Variants in RGL1 observed in about 807,000 individuals in gnomAD.
The protein encoded by RGL1 is ral guanine nucleotide dissociation stimulator-like 1.
RGL1 carries 24 observed loss-of-function variants against 95.2 expected under a neutral mutation model. The ratio of observed to expected loss-of-function variants is 0.25; its 90% CI spans 0.18 to 0.35. RGL1 has a LOEUF of 0.35. Among genes scored for constraint, RGL1 ranks in the 10% least tolerant of loss-of-function variants. The pLI is 1.00. For missense variants in RGL1, 715 were observed against 936.3 expected (o/e 0.76, Z 3.08); for synonymous variants, 329 against 344.9 (o/e 0.95, Z 0.51).
At position 183,648,176 on chromosome 1, in the gene RGL1, T is replaced by A. The variant is rs10911392; in HGVS notation, c.-33+11675T>A. 0.041 allele frequency: 65,419 copies of A among 1,614,100 alleles called. 2,744 individuals carry two copies. The highest frequency in any genetic ancestry group is 0.21 in the African/African-American group (16,078 of 74,968). The stretch of plus-strand genomic sequence containing the variant: ...AAACATGTGATCCTGAGACACCACT[T>A]ATAAAGCTGTGGAGAACAGAATGCC... On this transcript the variant is annotated intron_variant, in intron 1 of 18. Coordinates refer to the RGL1 transcript ENST00000304685.
At chr1:183,739,862 C>T (rs1472754103) in intron 1 of RGL1, among the ~76,000 whole-genome samples, 1 of 152,186 alleles carries the variant, frequency 6.6e-6, no homozygotes, top group Non-Finnish European at 1.5e-5. Flanking sequence ...TGCCAACTTT[C>T]ACCCACACTG....
Position 183,888,114 on chromosome 1 carries a change from G to A in RGL1, c.952-360G>A, listed in dbSNP as rs183875082. On this transcript the variant is annotated intron_variant, in intron 7 of 17. Transcript: ENST00000360851. ...TTGGGATCTAAAGAAGATCTAAAGT[G>A]CATATTTTTAGGACATCTGTGTGCT... 4.6e-5 allele frequency among the ~76,000 whole-genome samples: 7 copies of A among 152,260 alleles called. No homozygotes were observed. The East Asian group carries it at 1.4e-3, about 29-fold the overall frequency.
chr1:183,706,899 G>A (rs773842845), intron 1 of RGL1, among the ~76,000 whole-genome samples: 7 of 152,236 alleles, frequency 4.6e-5, no homozygotes, highest in African/African-American at 1.7e-4. Flanking sequence ...TGGATTGGGA[G>A]ATGAACTGAA....
chr1:183,813,323 C>T (rs1276921608), intron 2 of RGL1, among the ~76,000 whole-genome samples: 4 of 152,194 alleles, frequency 2.6e-5, no homozygotes, highest in African/African-American at 9.7e-5. Flanking sequence ...AGTCAGCCTT[C>T]CTCCATATAC....
At chr1:183,747,490 T>C (rs1054278289) in intron 2 of RGL1, among the ~76,000 whole-genome samples, 2 of 152,178 alleles carry the variant, frequency 1.3e-5, no homozygotes, top group Non-Finnish European at 2.9e-5. Flanking sequence ...GGTTGTTTGT[T>C]TTTCCTTGTA....
At chr1:183,808,837 G>A (rs558414418) in intron 2 of RGL1, among the ~76,000 whole-genome samples, 6 of 151,950 alleles carry the variant, frequency 3.9e-5, no homozygotes, top group Admixed American at 2.0e-4. Context: ...CAGCTATGAA[G>A]TGGTAAACAC....
chr1:183,809,724 T>C (rs1661577272), intron 2 of RGL1, among the ~76,000 whole-genome samples: 1 of 152,166 alleles, frequency 6.6e-6, no homozygotes, highest in South Asian at 2.1e-4. Flanking sequence ...GCAGGCTAAT[T>C]TGCTTGAGGC....
At chr1:183,722,005 G>A (rs2102206675) in intron 1 of RGL1, among the ~76,000 whole-genome samples, 1 of 152,304 alleles carries the variant, frequency 6.6e-6, no homozygotes, top group Non-Finnish European at 1.5e-5. Context: ...AGCATGGATA[G>A]GGATGAAATT....
intron 16 of RGL1, among the ~76,000 whole-genome samples, chr1:183,917,348 C>G (rs1363495939): frequency 5.3e-5 from 8 of 152,204 alleles, no homozygotes; most frequent in Admixed American, 5.2e-4. Context: ...CACACAGAGC[C>G]TCTCATGGCG....
At chr1:183,743,790 T>A (rs530101614) in intron 2 of RGL1, among the ~76,000 whole-genome samples, 2 of 152,316 alleles carry the variant, frequency 1.3e-5, no homozygotes, top group Admixed American at 1.3e-4. Context: ...TGGAAATATA[T>A]AAATTCCTTG....
chr1:183,913,330 G>A (rs1668774176), intron 15 of RGL1, among the ~76,000 whole-genome samples: 1 of 151,486 alleles, frequency 6.6e-6, no homozygotes, highest in Non-Finnish European at 1.5e-5. Flanking sequence ...CGAGTAGCTG[G>A]GATTACAGGC....
intron 1 of RGL1, among the ~76,000 whole-genome samples, chr1:183,713,083 T>C (rs2102180404): frequency 6.6e-6 from 1 of 152,236 alleles, no homozygotes; most frequent in East Asian, 1.9e-4. Context: ...TGGAGTACAG[T>C]GGCATGATCT....
chr1:183,699,438 C>G (rs1441910377), intron 1 of RGL1, among the ~76,000 whole-genome samples: 1 of 152,126 alleles, frequency 6.6e-6, no homozygotes, highest in African/African-American at 2.4e-5. Flanking sequence ...TTCTAGAGAG[C>G]CCATCTTTCT....
chr1:183,686,965 C>G (rs1185664459), intron 1 of RGL1, among the ~76,000 whole-genome samples: 1 of 152,212 alleles, frequency 6.6e-6, no homozygotes, highest in East Asian at 1.9e-4. Flanking sequence ...TGCCTAAGCA[C>G]AAACCTTGGA....
intron 1 of RGL1, among the ~76,000 whole-genome samples, chr1:183,682,869 A>G (rs529032794): frequency 6.6e-6 from 1 of 152,256 alleles, no homozygotes; most frequent in East Asian, 1.9e-4. Context: ...GGGTGCGTAT[A>G]TATTTAGGAT....
chr1:183,925,833 CT>C (rs1424831267), intron 17 of RGL1, among the ~76,000 whole-genome samples: 1 of 152,188 alleles, frequency 6.6e-6, no homozygotes, highest in Non-Finnish European at 1.5e-5. Flanking sequence ...TCCTACTGTA[CT>C]TTTTTTCTAG....
chr1:183,855,070 C>G (rs1665050272), intron 3 of RGL1, among the ~76,000 whole-genome samples: 1 of 152,112 alleles, frequency 6.6e-6, no homozygotes, highest in Non-Finnish European at 1.5e-5. Flanking sequence ...CAAAATGGTG[C>G]CTGCAGTAGG....
intron 2 of RGL1, among the ~76,000 whole-genome samples, chr1:183,813,117 A>G (rs1661835432): frequency 6.6e-6 from 1 of 152,170 alleles, no homozygotes; most frequent in Non-Finnish European, 1.5e-5. Flanking sequence ...TTTAGTGGTA[A>G]TGAAGTGAAG....
At chr1:183,808,708 A>T (rs1041672454) in intron 2 of RGL1, among the ~76,000 whole-genome samples, 3 of 152,070 alleles carry the variant, frequency 2.0e-5, no homozygotes, top group African/African-American at 2.4e-5. Context: ...AATTATTGCA[A>T]TATGACAACA....
Sources: allele counts gnomAD v4.1 joint callset (sites outside exome capture counted in the v4.1 genomes callset), GRCh38; gene constraint gnomAD v4.1.1; transcripts MANE v1.5; gene names NCBI Gene and HGNC (gene_info 2026-07-23, HGNC 2026-07-21).